The following XIRP2 variants were observed in gnomAD, a reference collection of about 807,000 sequenced individuals.
XIRP2 encodes xin actin-binding repeat-containing protein 2.
In XIRP2, 236 loss-of-function variants were observed where a neutral mutation model predicts 277.0. The ratio of observed to expected loss-of-function variants is 0.85; its 90% CI spans 0.77 to 0.95. XIRP2 has a LOEUF of 0.95. Among genes scored for constraint, XIRP2 ranks in the 40% least tolerant of loss-of-function variants. The probability of loss-of-function intolerance (pLI) is 0.00; values close to 1 mark genes in which losing one functional copy is unlikely to be tolerated. For missense variants in XIRP2, 4,640 were observed against 4,157.5 expected, an observed-to-expected ratio of 1.12 and a Z score of -3.19; for synonymous variants, 1,490 against 1,416.5, an observed-to-expected ratio of 1.05 and a Z score of -1.17.
chr2:167,241,598 C>T (rs978414554), intron 7 of XIRP2, among the ~76,000 whole-genome samples, 179 bp from the exon 8 acceptor site: 7 of 152,078 alleles, frequency 4.6e-5, no homozygotes, highest in African/African-American at 1.2e-4. Context: ...TCTGTAGAGA[C>T]AGGGTCTGGC....
chr2:166,931,779 C>T (rs186310711), intron 2 of XIRP2, among the ~76,000 whole-genome samples: 1 of 152,162 alleles, frequency 6.6e-6, no homozygotes, highest in African/African-American at 2.4e-5. Context: ...TGCATTATTT[C>T]TCTTGGATAG....
chr2:167,246,437 A>T lies in XIRP2; in HGVS notation c.5045A>T (p.Asp1682Val). The change falls in exon 9 of 11, where the codon GAT becomes GTT. Residue 1682 changes from aspartate to valine, a missense_variant. Asp to Val is a radical substitution (Grantham distance 152). Coordinates refer to ENST00000409195, the MANE Select transcript of XIRP2 (RefSeq NM_152381.6). ...SVKKGILIQE[D>V]EKGDINMTIY... is the part of the protein sequence containing the mutation. ...AAGAAAGGCATCTTAATTCAGGAAG[A>T]TGAAAAAGGAGATATTAACATGACT... is the stretch of plus-strand genomic sequence containing the variant. The T allele has an allele frequency of 6.2e-7, 1 of 1,613,762 alleles. No homozygotes were observed. Among genetic ancestry groups the T allele is most frequent in the Non-Finnish European group, 8.5e-7 (1 of 1,179,802 alleles).
At chr2:167,007,704 C>T (rs1023584398) in intron 2 of XIRP2, among the ~76,000 whole-genome samples, 6 of 57,128 alleles carry the variant, frequency 1.1e-4, no homozygotes, top group African/African-American at 3.1e-4. Flanking sequence ...CTCTCTCTCT[C>T]ACACACACAC....
chr2:166,973,243 T>C (rs1403816613), intron 2 of XIRP2, among the ~76,000 whole-genome samples: 1 of 152,236 alleles, frequency 6.6e-6, no homozygotes, highest in African/African-American at 2.4e-5. Context: ...TAACTGCTTA[T>C]GTGAAAATTT....
intron 2 of XIRP2, among the ~76,000 whole-genome samples, chr2:167,073,097 CATTTT>C (rs1689475026): frequency 6.6e-6 from 1 of 152,066 alleles, no homozygotes; most frequent in Non-Finnish European, 1.5e-5. Flanking sequence ...GCTGTTACAA[CATTTT>C]ATTTTAAACA....
intron 3 of XIRP2, among the ~76,000 whole-genome samples, chr2:167,154,441 T>C (rs1471672322): frequency 6.6e-6 from 1 of 150,748 alleles, no homozygotes; most frequent in East Asian, 1.9e-4. Context: ...TTTTGTCTTT[T>C]GTTGCCATTG....
At chr2:166,944,546 A>T (rs370293018) in intron 2 of XIRP2, among the ~76,000 whole-genome samples, 1 of 152,228 alleles carries the variant, frequency 6.6e-6, no homozygotes, top group Non-Finnish European at 1.5e-5. Context: ...AGCAGATGAG[A>T]GCCCAAGAGG....
intron 3 of XIRP2, among the ~76,000 whole-genome samples, chr2:167,148,627 C>G (rs1422042455): frequency 6.6e-6 from 1 of 151,946 alleles, no homozygotes; most frequent in Non-Finnish European, 1.5e-5. Flanking sequence ...AATGTCCCAA[C>G]TCTTCAGTGG....
intron 3 of XIRP2, among the ~76,000 whole-genome samples, chr2:167,178,973 A>G (rs1692932801): frequency 6.6e-6 from 1 of 152,158 alleles, no homozygotes; most frequent in Non-Finnish European, 1.5e-5. Context: ...AAAATATTCA[A>G]CTAAATTTTA....
chr2:167,056,609 T>G (rs1233310729), intron 2 of XIRP2, among the ~76,000 whole-genome samples: 1 of 152,174 alleles, frequency 6.6e-6, no homozygotes, highest in African/African-American at 2.4e-5. Flanking sequence ...CACATGATAC[T>G]TTTGTGAGCT....
chr2:166,985,686 C>G (rs886191011), intron 2 of XIRP2, among the ~76,000 whole-genome samples: 1 of 152,110 alleles, frequency 6.6e-6, no homozygotes, highest in African/African-American at 2.4e-5. Context: ...ACCTCAGCCT[C>G]CCAGAGTGCT....
chr2:167,244,981 G>GA lies in XIRP2; in HGVS notation c.3589_3590insA (p.Val1197AspfsTer7). ...TGAAATGGATATACAAGCTGGAGAT[G>GA]TTTCCAGCATGAGGTATAAATTTGA... On this transcript the variant is annotated frameshift_variant, in exon 9 of 11. Coordinates refer to ENST00000409195, the MANE Select transcript of XIRP2 (RefSeq NM_152381.6). LOFTEE classifies it high-confidence loss of function. The GA allele has an allele frequency of 1.2e-6, 2 of 1,613,374 alleles. No homozygotes were observed. Among genetic ancestry groups the GA allele is most frequent in the Non-Finnish European group, 1.7e-6 (2 of 1,179,696 alleles).
intron 2 of XIRP2, among the ~76,000 whole-genome samples, chr2:166,983,147 TG>T (rs1416513604): frequency 6.6e-6 from 1 of 152,186 alleles, no homozygotes; most frequent in East Asian, 1.9e-4. Flanking sequence ...AATCGAGGGT[TG>T]GTTTTTAAAA....
At chr2:167,040,834 C>T (rs1688641364) in intron 2 of XIRP2, among the ~76,000 whole-genome samples, 1 of 152,182 alleles carries the variant, frequency 6.6e-6, no homozygotes, top group Non-Finnish European at 1.5e-5. Flanking sequence ...CCCACCAGCA[C>T]CTACCTGCCC....
chr2:167,143,146 AC>A (rs1454054287), intron 3 of XIRP2, among the ~76,000 whole-genome samples: 2 of 151,792 alleles, frequency 1.3e-5, no homozygotes, highest in African/African-American at 4.8e-5. Context: ...GCAAATATTT[AC>A]TGAACAGGTA....
At chr2:166,952,606 G>A (rs1574109526) in intron 2 of XIRP2, among the ~76,000 whole-genome samples, 1 of 151,942 alleles carries the variant, frequency 6.6e-6, no homozygotes, top group East Asian at 1.9e-4. Context: ...AATCCCACAC[G>A]AATCCTGAAA....
chr2:166,965,356 C>T (rs1686402997), intron 2 of XIRP2, among the ~76,000 whole-genome samples: 1 of 151,764 alleles, frequency 6.6e-6, no homozygotes, highest in Non-Finnish European at 1.5e-5. Flanking sequence ...GTGACGTTTT[C>T]CTCCAGTATG....
intron 3 of XIRP2, among the ~76,000 whole-genome samples, chr2:167,183,874 T>C (rs1693086058): frequency 6.6e-6 from 1 of 152,180 alleles, no homozygotes; most frequent in Admixed American, 6.6e-5. Flanking sequence ...AGATATTAAA[T>C]CTTTCCTCTG....
chr2:167,189,728 A>G (rs1279558214), intron 3 of XIRP2, among the ~76,000 whole-genome samples: 2 of 152,172 alleles, frequency 1.3e-5, no homozygotes, highest in Admixed American at 6.5e-5. Flanking sequence ...TAATTCTGAT[A>G]TTAAGTGTTG....
Sources: gnomAD v4.1 joint callset for allele counts (sites outside exome capture counted in the v4.1 genomes callset) on GRCh38, gnomAD v4.1.1 for gene constraint, MANE v1.5 for transcripts, NCBI Gene and HGNC (gene_info 2026-07-23, HGNC 2026-07-21) for gene names.